Variants in SLC35F3 observed in about 807,000 individuals in gnomAD.
SLC35F3 encodes the protein putative thiamine transporter SLC35F3.
Under a neutral mutation model 49.9 loss-of-function variants are expected in SLC35F3, and 25 were observed. That is an observed-to-expected ratio of 0.50 (90% CI 0.37 to 0.70). The LOEUF (loss-of-function observed/expected upper bound fraction) is 0.70. Ranked by LOEUF, SLC35F3 falls within the 30% of genes least tolerant of loss-of-function variation. The pLI, the probability that SLC35F3 is intolerant of heterozygous loss-of-function variation, is 0.00. For synonymous variants in SLC35F3, 275 were observed against 265.4 expected (o/e 1.04, Z -0.35); for missense variants, 525 against 639.8 (o/e 0.82, Z 1.94).
At chr1:234,170,145 G>A (rs1247708595) in intron 2 of SLC35F3, among the ~76,000 whole-genome samples, 4 of 152,180 alleles carry the variant, frequency 2.6e-5, no homozygotes, top group Non-Finnish European at 5.9e-5. Flanking sequence ...CAGGCTGAAA[G>A]AACAGAACCC....
At chr1:233,917,502 C>G (rs1661992303) in intron 2 of SLC35F3, among the ~76,000 whole-genome samples, 1 of 152,032 alleles carries the variant, frequency 6.6e-6, no homozygotes, top group African/African-American at 2.4e-5. Flanking sequence ...TTGATGAGAT[C>G]AAGCTACTAA....
At position 233,919,698 on chromosome 1, in the gene SLC35F3, A is replaced by G. The variant is rs1314996181; in HGVS notation, c.283+13940A>G. ...TGCTGGTGTCTTATCTTCCTATTAT[A>G]TTTTGCATCTTTCCCAACCAATTTT... On this transcript the variant is annotated intron_variant, in intron 2 of 7. Coordinates refer to ENST00000366618, the MANE Select transcript of SLC35F3 (RefSeq NM_173508.4). 3.3e-5 allele frequency among the ~76,000 whole-genome samples: 5 copies of G among 151,794 alleles called. No individual in the cohort carries two copies. The East Asian group carries it at 9.6e-4, about 29-fold the overall frequency.
intron 2 of SLC35F3, among the ~76,000 whole-genome samples, chr1:234,189,988 A>G (rs1009875811): frequency 6.6e-6 from 1 of 152,236 alleles, no homozygotes. Context: ...AATGAAGGAA[A>G]GATAGTCTTT....
chr1:234,278,545 C>T (rs927271615), intron 3 of SLC35F3, among the ~76,000 whole-genome samples: 11 of 151,486 alleles, frequency 7.3e-5, no homozygotes, highest in East Asian at 1.9e-4. Context: ...AGTTGTCATT[C>T]GCATTTCTTT....
At chr1:234,051,441 G>A (rs6659583) in intron 2 of SLC35F3, among the ~76,000 whole-genome samples, 4,717 of 152,192 alleles carry the variant, frequency 0.031, 226 homozygotes, top group African/African-American at 0.11. Context: ...CTCTCTGTTT[G>A]TCTGTTATTG....
intron 3 of SLC35F3, among the ~76,000 whole-genome samples, chr1:234,273,944 G>T (rs1668154302): frequency 6.6e-6 from 1 of 152,026 alleles, no homozygotes; most frequent in Non-Finnish European, 1.5e-5. Context: ...GCACATGGTA[G>T]CATTTGTGTA....
intron 2 of SLC35F3, among the ~76,000 whole-genome samples, chr1:233,910,432 G>A (rs1178678756): frequency 1.3e-5 from 2 of 152,298 alleles, no homozygotes; most frequent in South Asian, 2.1e-4. Context: ...GAACATCTGC[G>A]AATACTCCTT....
chr1:234,083,773 G>A (rs368667437), intron 2 of SLC35F3, among the ~76,000 whole-genome samples: 14 of 151,894 alleles, frequency 9.2e-5, no homozygotes, highest in Middle Eastern at 3.2e-3. Flanking sequence ...CTTTGAGTGG[G>A]AAAAGCATTG....
chr1:234,069,063 A>ATAATTTTACTATATATAATATATAAAATT, intron 2 of SLC35F3, among the ~76,000 whole-genome samples: 1 of 91,250 alleles, frequency 1.1e-5, no homozygotes, highest in East Asian at 2.7e-4. Context: ...TATATATTAT[A>ATAATTTTACTATATATAATATATAAAATT]ATATATATTA....
intron 2 of SLC35F3, among the ~76,000 whole-genome samples, chr1:233,919,518 C>T (rs1455560726): frequency 6.6e-6 from 1 of 152,146 alleles, no homozygotes; most frequent in Non-Finnish European, 1.5e-5. Flanking sequence ...TCTAATGTTG[C>T]ACCCTAAAAA....
intron 2 of SLC35F3, among the ~76,000 whole-genome samples, chr1:233,953,302 G>A (rs528172239): frequency 1.3e-5 from 2 of 152,186 alleles, no homozygotes; most frequent in African/African-American, 2.4e-5. Context: ...AGAGTTAAGA[G>A]TGTTTTAAAT....
chr1:234,199,055 CA>C (rs58267652), intron 2 of SLC35F3, among the ~76,000 whole-genome samples: 91,287 of 137,706 alleles, frequency 0.66, 31,781 homozygotes, highest in African/African-American at 0.9. Context: ...CTTATTTCTA[CA>C]AAAAAAAAAA....
intron 2 of SLC35F3, among the ~76,000 whole-genome samples, chr1:234,133,559 T>G (rs10910358): frequency 0.36 from 55,501 of 152,094 alleles, 12,821 homozygotes; most frequent in Non-Finnish European, 0.52. Context: ...TTTGGCAACT[T>G]GGAACACCTG....
intron 2 of SLC35F3, among the ~76,000 whole-genome samples, chr1:234,050,309 G>C (rs1179589122): frequency 6.6e-6 from 1 of 152,174 alleles, no homozygotes; most frequent in Admixed American, 6.6e-5. Context: ...GTTGTTTCCT[G>C]ACTTTTCAAT....
chr1:234,176,753 T>G (rs1666481891), intron 2 of SLC35F3, among the ~76,000 whole-genome samples: 1 of 152,154 alleles, frequency 6.6e-6, no homozygotes, highest in Non-Finnish European at 1.5e-5. Flanking sequence ...CAGACTGAAC[T>G]TGAACATCTA....
At position 234,320,180 on chromosome 1, in the gene SLC35F3, G is replaced by A. The variant is rs139635407; in HGVS notation, c.1230G>A (p.Val410=). Residue 410 remains valine (V), a synonymous_variant, in exon 7 of 8, where the codon GTG becomes GTA. Transcript: ENST00000366618. The surrounding 1 kb of genome is among the most constrained non-coding windows in gnomAD (Gnocchi z 4.8). ...MSLGIVLSIP[V]NAVIDHYTSQ... Reference sequence around the variant, plus strand: ...TTGGAATCGTCCTCAGCATACCTGTGAATGCAGGTAAACCTATGCGGCTTT... The same window carrying A: ...TTGGAATCGTCCTCAGCATACCTGTAAATGCAGGTAAACCTATGCGGCTTT... The A allele has an allele frequency of 5.3e-4, 856 of 1,612,750 alleles. 2 individuals carry two copies. The highest frequency in any genetic ancestry group is 6.6e-4 in the Middle Eastern group (4 of 6,060).
At chr1:234,021,090 A>T (rs917553080) in intron 2 of SLC35F3, among the ~76,000 whole-genome samples, 5 of 152,168 alleles carry the variant, frequency 3.3e-5, no homozygotes, top group African/African-American at 1.2e-4. Context: ...GATGCATCAG[A>T]CCACCTACCC....
At chr1:234,290,306 A>C (rs190236925) in intron 3 of SLC35F3, among the ~76,000 whole-genome samples, 2 of 152,388 alleles carry the variant, frequency 1.3e-5, no homozygotes, top group Admixed American at 6.5e-5. Context: ...TTTAAAGAAT[A>C]ATCACAAGAA....
At chr1:234,275,763 AATATAT>A (rs202037675) in intron 3 of SLC35F3, among the ~76,000 whole-genome samples, 77 of 135,532 alleles carry the variant, frequency 5.7e-4, no homozygotes, top group Middle Eastern at 4.0e-3. Flanking sequence ...AAAAAAAAAA[AATATAT>A]ATATATATAT....
Sources: gnomAD v4.1 joint callset for allele counts (sites outside exome capture counted in the v4.1 genomes callset) on GRCh38, gnomAD v4.1.1 for gene constraint, Gnocchi (gnomAD v3.1) non-coding constraint, MANE v1.5 for transcripts, NCBI Gene and HGNC (gene_info 2026-07-23, HGNC 2026-07-21) for gene names.